ASPM: variants seen among roughly 807,000 people sequenced by gnomAD.
ASPM encodes the protein abnormal spindle-like microcephaly-associated protein.
In ASPM, 256 loss-of-function variants were observed where a neutral mutation model predicts 366.4. The observed-to-expected ratio is 0.70, with a 90% CI of 0.63 to 0.77. ASPM has a LOEUF of 0.77. Ranked by LOEUF, ASPM falls within the 30% of genes least tolerant of loss-of-function variation. The probability of loss-of-function intolerance (pLI) is 0.00; values close to 1 mark genes in which losing one functional copy is unlikely to be tolerated. For missense variants in ASPM, 4,146 were observed against 4,090.4 expected (o/e 1.01, Z -0.37); for synonymous variants, 1,414 against 1,342.9 (o/e 1.05, Z -1.16).
Position 197,146,424 on chromosome 1 carries a change from C to G in ASPM, c.14G>C (p.Arg5Pro), listed in dbSNP as rs1473629118. 6.2e-7 allele frequency: 1 copy of G among 1,608,306 alleles called. No individual in the cohort carries two copies. The highest frequency in any genetic ancestry group is 2.2e-5 in the East Asian group (1 of 44,798). MANR[R>P]VGRGCWEVSP... ...CACTTCCCAGCAGCCTCGCCCCACT[C>G]GCCGGTTCGCCATGGCAGATTCGAG... The change falls in exon 1 of 28, where the codon CGA (arginine) becomes CCA (proline). Residue 5 changes from arginine (R) to proline (P), a missense_variant. Physicochemically the swap from Arg to Pro is moderately radical, Grantham distance 103 (BLOSUM62 -2). Around this residue, in one of 3 missense-constraint regions of ASPM, gnomAD observed 512 missense variants for 471.7 expected, o/e 1.09. Transcript: ENST00000367409.
Position 197,102,026 on chromosome 1 carries a change from AATGCATACTCTTC to A in ASPM, c.7212_7224del (p.Leu2404PhefsTer16). 1.2e-6 allele frequency: 2 copies of A among 1,612,950 alleles called. No individual in the cohort carries two copies. The highest frequency in any genetic ancestry group is 1.7e-6 in the Non-Finnish European group (2 of 1,179,304). On this transcript the variant is annotated frameshift_variant, in exon 18 of 28. Transcript: ENST00000367409. LOFTEE classifies it high-confidence loss of function. ...CTACTCTGAATAAGGGTTGCAGAGG[AATGCATACTCTTC>A]AAATGTCTTCTAGTTTTCATACCCC...
rs1314010567 is a variant in ASPM, at chr1:197,122,053, AC to A, written c.3742-11del. The stretch of plus-strand genomic sequence containing the variant: ...AATAGGTAATAACCACCTAAAAAAA[AC>A]CCACAAAAGATAAAAACAGAATATC... On this transcript the variant is annotated splice_polypyrimidine_tract_variant and intron_variant, in intron 15 of 27. Transcript: ENST00000367409. 47 of 1,610,886 alleles carry A rather than the reference AC, an allele frequency of 2.9e-5. No homozygotes were observed. The highest frequency in any genetic ancestry group is 4.0e-5 in the African/African-American group (3 of 74,828).
At position 197,100,971 on chromosome 1, in the gene ASPM, A is replaced by C; in HGVS notation, c.8280T>G (p.Asn2760Lys). The change falls in exon 18 of 28, where the codon AAT (asparagine) becomes AAG (lysine). Residue 2760 changes from asparagine (N) to lysine (K), a missense_variant. Around this residue, in one of 3 missense-constraint regions of ASPM, gnomAD observed 3,624 missense variants for 3,591.7 expected, o/e 1.01. Transcript: ENST00000367409. ...RGMKVRQKLK[N>K]VSEEKMAAIV... The stretch of plus-strand genomic sequence containing the variant: ...TGGCTGCCATCTTTTCCTCTGATAC[A>C]TTTTTCAATTTTTGTCTAACTTTCA... 1.9e-6 allele frequency: 3 copies of C among 1,612,424 alleles called. No homozygotes were observed. The highest frequency in any genetic ancestry group is 2.5e-6 in the Non-Finnish European group (3 of 1,179,086).
chr1:197,086,703 C>T lies in ASPM; in HGVS notation c.10331+100G>A, dbSNP rs146616848. 2.3e-5 allele frequency: 24 copies of T among 1,047,140 alleles called. 1 individual carries two copies. The African/African-American group carries it at 3.4e-4, about 15-fold the overall frequency. The allele number at this position is 1,047,140 out of a possible 1,614,324, so 64.9% of individuals were successfully genotyped here. A position where few individuals can be genotyped will look rare whatever the true frequency, so the allele number is the denominator to read the frequency against. The stretch of plus-strand genomic sequence containing the variant: ...TTCTTATTCATATGTTGTTTCTCCA[C>T]TGAAAAGCACATCTTGTTTATGGTA... On this transcript the variant is annotated intron_variant, in intron 27 of 27. Transcript: ENST00000367409.
chr1:197,099,225 A>T (rs1001157821), intron 18 of ASPM, among the ~76,000 whole-genome samples: 1 of 140,504 alleles, frequency 7.1e-6, no homozygotes, highest in Non-Finnish European at 1.6e-5. Context: ...TGCCAGAGTA[A>T]TTTTTTTTTT....
chr1:197,089,994 T>C lies in ASPM; in HGVS notation c.9920A>G (p.Asn3307Ser). 6.2e-7 allele frequency: 1 copy of C among 1,613,388 alleles called. No individual in the cohort carries two copies. The highest frequency in any genetic ancestry group is 8.5e-7 in the Non-Finnish European group (1 of 1,179,560). The change falls in exon 25 of 28, where the codon AAT becomes AGT. Residue 3307 changes from asparagine (N) to serine (S), a missense_variant. By Grantham distance (46) the Asn-to-Ser change is conservative. Around this residue, in one of 3 missense-constraint regions of ASPM, gnomAD observed 3,624 missense variants for 3,591.7 expected, o/e 1.01. Coordinates refer to ENST00000367409, the MANE Select transcript of ASPM (RefSeq NM_018136.5). ...GACTTCCATACAAGGAATACTGCGA[T>C]TACAACTTCGGATCAAAACAAATAT... is the stretch of plus-strand genomic sequence containing the variant. ...SKIFVLIRSC[N>S]RSIPCMEVIR...
intron 17 of ASPM, among the ~76,000 whole-genome samples, chr1:197,105,646 T>A (rs1423475201): frequency 1.3e-5 from 2 of 151,970 alleles, no homozygotes; most frequent in African/African-American, 2.4e-5. Context: ...ATTACAGGCC[T>A]GATAATATAA....
intron 6 of ASPM, among the ~76,000 whole-genome samples, chr1:197,133,125 C>T (rs1310565526): frequency 2.0e-5 from 3 of 152,120 alleles, no homozygotes; most frequent in African/African-American, 7.2e-5. Flanking sequence ...TAAATGTTTT[C>T]ACCACACATA....
At chr1:197,115,141 T>C (rs1657704976) in intron 17 of ASPM, among the ~76,000 whole-genome samples, 1 of 152,084 alleles carries the variant, frequency 6.6e-6, no homozygotes, top group Non-Finnish European at 1.5e-5. Context: ...GCCTCCCAAG[T>C]TGTTGAGATT....
Position 197,124,246 on chromosome 1 carries a change from A to C in ASPM, c.3254T>G (p.Leu1085Arg), listed in dbSNP as rs747679648. The change falls in exon 13 of 28, where the codon CTA becomes CGA. Residue 1085 changes from leucine to arginine, a missense_variant. Leu to Arg is a moderately radical substitution (Grantham distance 102). Transcript: ENST00000367409. ...AAGATCATCAGAATGGCATGATAGT[A>C]GAGATATTGTTTTCTTTATACTCTT... ...HTKSIKKTIS[L>R]LSCHSDDLIN... 4.4e-6 allele frequency: 7 copies of C among 1,608,764 alleles called. No homozygotes were observed. In the South Asian group the frequency reaches 7.7e-5, roughly 18 times the overall value.
chr1:197,094,142 C>A lies in ASPM; in HGVS notation c.9026G>T (p.Arg3009Ile). The part of the protein sequence containing the change: ...NVRASAIIIQ[R>I]KWRAILPAKI... The stretch of plus-strand genomic sequence containing the variant: ...TGCAGGAAGTATAGCTCTCCATTTT[C>A]TCTGAATGATAATTGCTGATGCTCT... Residue 3009 changes from arginine to isoleucine, a missense_variant, in exon 20 of 28, where the codon AGA becomes ATA. This residue lies in a region of ASPM where 3,624 missense variants were observed against 3,591.7 expected (regional missense o/e 1.01). Coordinates refer to ENST00000367409, the MANE Select transcript of ASPM (RefSeq NM_018136.5). 3 of 1,607,672 alleles carry A rather than the reference C, an allele frequency of 1.9e-6. No homozygotes were observed. The highest frequency in any genetic ancestry group is 2.6e-6 in the Non-Finnish European group (3 of 1,176,112).
rs199520703 is a variant in ASPM, at chr1:197,143,755, T to C, written c.497A>G (p.Asn166Ser). ...KKKISASTSH[N>S]RRVSNIQNVN... ...ATTCTGAATATTTGAAACCCTTCTG[T>C]TGTGACTTGTAGAGGCTGAAATTTT... Residue 166 changes from asparagine (N) to serine (S), a missense_variant, in exon 3 of 28, where the codon AAC (asparagine) becomes AGC (serine). By Grantham distance (46) the Asn-to-Ser change is conservative. This residue lies in a region of ASPM where 512 missense variants were observed against 471.7 expected (regional missense o/e 1.09). Coordinates refer to ENST00000367409, the MANE Select transcript of ASPM (RefSeq NM_018136.5). 16 of 1,613,282 alleles carry C rather than the reference T, an allele frequency of 9.9e-6. No homozygotes were observed. The Middle Eastern group carries it at 5.0e-4, about 50-fold the overall frequency.
chr1:197,132,385 A>G, intron 6 of ASPM, 33 bp from the exon 7 acceptor site: 1 of 1,574,856 alleles, frequency 6.3e-7, no homozygotes, highest in Non-Finnish European at 8.7e-7. Flanking sequence ...ATAAGTTCAA[A>G]TTGATAATCA....
chr1:197,092,949 T>TTAG (rs1656831457), intron 21 of ASPM, 103 bp downstream of exon 21: 2 of 990,378 alleles, frequency 2.0e-6, no homozygotes, highest in Non-Finnish European at 3.1e-6. Context: ...AATGGTCATA[T>TTAG]TAGTTCTGAA....
Position 197,114,718 on chromosome 1 carries a change from T to C in ASPM, c.4065+3071A>G, listed in dbSNP as rs574940349. Among the ~76,000 whole-genome samples the C allele has an allele frequency of 4.6e-5, 7 of 151,766 alleles. No homozygotes were observed. The South Asian group carries it at 1.5e-3, about 32-fold the overall frequency. Reference sequence around the variant, plus strand: ...CTTCCTGAGTAGCTGGGACTATGGATGTGTGCCACCACACTTGGCTAGTTA... The same window carrying C: ...CTTCCTGAGTAGCTGGGACTATGGACGTGTGCCACCACACTTGGCTAGTTA... On this transcript the variant is annotated intron_variant, in intron 17 of 27. Coordinates refer to ENST00000367409, the MANE Select transcript of ASPM (RefSeq NM_018136.5).
rs560511891 is a variant in ASPM at position 197,122,719 on chromosome 1, T to C, written c.3391-124A>G. ...AGTGACAAATCTACAAGGCAAGTAA[T>C]GGCAAGTTTGACTGGTAAACTCTAA... is the stretch of plus-strand genomic sequence containing the variant. On this transcript the variant is annotated intron_variant, in intron 13 of 27. Coordinates refer to ENST00000367409, the MANE Select transcript of ASPM (RefSeq NM_018136.5). The C allele has an allele frequency of 8.6e-6, 8 of 934,184 alleles. No homozygotes were observed. The South Asian group carries it at 9.9e-5, about 12-fold the overall frequency. 57.9% of individuals were successfully genotyped at this position (934,184 alleles called of 1,614,324 possible). A position where few individuals can be genotyped will look rare whatever the true frequency, so the allele number is the denominator to read the frequency against.
intron 4 of ASPM, chr1:197,138,845 T>C: frequency 2.4e-6 from 2 of 846,580 alleles, no homozygotes; most frequent in African/African-American, 1.7e-5. Flanking sequence ...CTATTATTTC[T>C]CCTTCCAGTT....
rs770297822 is a variant in ASPM, at chr1:197,117,991, A to G, written c.3871-8T>C. The stretch of plus-strand genomic sequence containing the variant: ...TGCAGCTTTCTCTCTCTCCTAAAAT[A>G]AAAAAGTCAGCAAATGTAAATTAAA... On this transcript the variant is annotated splice_region_variant and splice_polypyrimidine_tract_variant and intron_variant, in intron 16 of 27. Coordinates refer to ENST00000367409, the MANE Select transcript of ASPM (RefSeq NM_018136.5). 64 of 1,610,744 alleles carry G rather than the reference A, an allele frequency of 4.0e-5. 1 individual carries two copies. The highest frequency in any genetic ancestry group is 6.7e-5 in the Admixed American group (4 of 59,914).
intron 10 of ASPM, among the ~76,000 whole-genome samples, chr1:197,127,621 C>T (rs1056631141): frequency 6.6e-6 from 1 of 152,158 alleles, no homozygotes; most frequent in Admixed American, 6.5e-5. Flanking sequence ...ATGCTAAAGG[C>T]CATTCCTTCT....
Sources: allele counts gnomAD v4.1 joint callset (sites outside exome capture counted in the v4.1 genomes callset), GRCh38; gene constraint gnomAD v4.1.1; regional missense constraint gnomAD v4.1.1; transcripts MANE v1.5; gene names NCBI Gene and HGNC (gene_info 2026-07-23, HGNC 2026-07-21).